CREB3L3: variants seen among roughly 807,000 people sequenced by gnomAD.
CREB3L3 encodes cAMP responsive element binding protein 3 like 3, also known as cyclic AMP-responsive element-binding protein 3-like protein 3.
CREB3L3 carries 40 observed loss-of-function variants against 44.6 expected under a neutral mutation model. The ratio of observed to expected loss-of-function variants is 0.90; its 90% confidence interval spans 0.70 to 1.17. The LOEUF (loss-of-function observed/expected upper bound fraction) is 1.17, where lower values mean the gene tolerates loss of function less well. CREB3L3 is among the 50% of genes most tolerant of loss of function. The pLI, the probability that CREB3L3 is intolerant of heterozygous loss-of-function variation, is 0.00. For synonymous variants in CREB3L3, 273 were observed against 256.3 expected, an observed-to-expected ratio of 1.06 and a Z score of -0.62; for missense variants, 578 against 595.8, an observed-to-expected ratio of 0.97 and a Z score of 0.31.
At position 4,172,053 on chromosome 19, in the gene CREB3L3, G is replaced by A. The variant is rs2145146866; in HGVS notation, c.*84G>A. On this transcript the variant is annotated 3_prime_UTR_variant, in exon 10 of 10. Transcript: ENST00000078445. ...ACTGGGCAGCTACCCACCTGGGGAT[G>A]GGACGTGAGGCCAAGACCCCAGCAG... 1 of 1,359,868 alleles carries A rather than the reference G, an allele frequency of 7.4e-7. No homozygotes were observed. The highest frequency in any genetic ancestry group is 2.5e-5 in the East Asian group (1 of 39,776). 84.2% of individuals were successfully genotyped at this position (1,359,868 alleles called of 1,614,324 possible).
chr19:4,156,045 G>A (rs539676919), intron 2 of CREB3L3, among the ~76,000 whole-genome samples: 1 of 150,106 alleles, frequency 6.7e-6, no homozygotes, highest in South Asian at 2.1e-4. Flanking sequence ...CACCACACCC[G>A]GCCCTTTTTT....
Position 4,159,732 on chromosome 19 carries a change from T to A in CREB3L3, c.526T>A (p.Cys176Ser). 1 of 1,598,654 alleles carries A rather than the reference T, an allele frequency of 6.3e-7. No individual in the cohort carries two copies. Among genetic ancestry groups the A allele is most frequent in the Non-Finnish European group, 8.6e-7 (1 of 1,166,048 alleles). Residue 176 changes from cysteine (C) to serine (S), a missense_variant, in exon 4 of 10, where the codon TGC becomes AGC. Transcript: ENST00000078445. ...TGATCCGGTGGACCTGTCCCCACGA[T>A]GCAATCTCACCGTGAAAGACCTCCT... Reference protein sequence around the residue: ...PADPVDLSPRCNLTVKDLLLS... With the variant: ...PADPVDLSPRSNLTVKDLLLS...
At position 4,171,131 on chromosome 19, in the gene CREB3L3, G is replaced by A; in HGVS notation, c.931G>A (p.Val311Met). Residue 311 changes from valine to methionine, a missense_variant, in exon 8 of 10, where the codon GTG becomes ATG. Transcript: ENST00000078445. This position sits in a 1 kb window ranked among gnomAD's most constrained non-coding sequence, Gnocchi z 4.9. ...EQLKKLQAIV[V>M]QSTSKSAQTG... ...ACTGAAGAAACTCCAGGCCATTGTGGTGCAGTCCACCAGCAAGTCAGCCCA... is the reference window on the plus strand; with the variant it reads ...ACTGAAGAAACTCCAGGCCATTGTGATGCAGTCCACCAGCAAGTCAGCCCA... 6.2e-7 allele frequency: 1 copy of A among 1,614,068 alleles called. No individual in the cohort carries two copies. Among genetic ancestry groups the A allele is most frequent in the African/African-American group, 1.3e-5 (1 of 75,028 alleles).
In CREB3L3 at chr19:4,168,437, T is replaced by C. The variant is rs2145139494; in HGVS notation, c.801T>C (p.Tyr267=). The change falls in exon 6 of 10, where the codon TAT becomes TAC. Residue 267 remains tyrosine, a synonymous_variant. Coordinates refer to ENST00000078445, the MANE Select transcript of CREB3L3 (RefSeq NM_032607.3). ...AQESRKKKKE[Y]IDGLETRMSA... ...AAAGCAGGAAGAAGAAGAAGGAATA[T>C]ATCGATGGCCTGGAGACTCGGTGGG... 19 of 1,606,124 alleles carry C rather than the reference T, an allele frequency of 1.2e-5. No individual in the cohort carries two copies. The highest frequency in any genetic ancestry group is 1.6e-5 in the Non-Finnish European group (19 of 1,174,660).
rs1353988752 is a variant in CREB3L3 at position 4,171,398 on chromosome 19, T to C, written c.991T>C (p.Phe331Leu). 6.2e-7 allele frequency: 1 copy of C among 1,613,956 alleles called. No homozygotes were observed. The highest frequency in any genetic ancestry group is 2.2e-5 in the East Asian group (1 of 44,898). The change falls in exon 9 of 10, where the codon TTT (phenylalanine) becomes CTT (leucine). Residue 331 changes from phenylalanine (F) to leucine (L), a missense_variant. Coordinates refer to ENST00000078445, the MANE Select transcript of CREB3L3 (RefSeq NM_032607.3). The surrounding 1 kb of genome is among the most constrained non-coding windows in gnomAD (Gnocchi z 4.9). ...TCTCCACCAGGTCCTGTTGCTGTCC[T>C]TTGCCCTCATCATCCTCCCCTCCAT... is the stretch of plus-strand genomic sequence containing the variant. ...GTCVAVLLLS[F>L]ALIILPSISP... is the part of the protein sequence containing the mutation.
At chr19:4,168,981 C>G (rs988225694) in intron 6 of CREB3L3, among the ~76,000 whole-genome samples, 3 of 151,754 alleles carry the variant, frequency 2.0e-5, no homozygotes, top group Non-Finnish European at 2.9e-5. Context: ...GTGATCTGGC[C>G]GCCTCAGCCT....
intron 7 of CREB3L3, among the ~76,000 whole-genome samples, chr19:4,170,734 C>G (rs1967025593): frequency 6.6e-6 from 1 of 151,560 alleles, no homozygotes; most frequent in Non-Finnish European, 1.5e-5. Flanking sequence ...ACGGTGAAAC[C>G]CCGTCTCTAC....
intron 7 of CREB3L3, 137 bp from the exon 8 acceptor site, chr19:4,170,954 A>T (rs562719228): frequency 1.4e-4 from 63 of 436,738 alleles, no homozygotes; most frequent in Non-Finnish European, 2.0e-4. Context: ...AATAAATAAA[A>T]TAAATAATAA....
At chr19:4,154,362 G>A (rs548532089) in intron 1 of CREB3L3, among the ~76,000 whole-genome samples, 119 of 151,842 alleles carry the variant, frequency 7.8e-4, no homozygotes, top group South Asian at 7.7e-3. Flanking sequence ...GTGAGCCACC[G>A]TGCCTGCCAT....
At chr19:4,156,670 T>G (rs1486480151) in intron 2 of CREB3L3, among the ~76,000 whole-genome samples, 1 of 151,084 alleles carries the variant, frequency 6.6e-6, no homozygotes, top group Non-Finnish European at 1.5e-5. Context: ...CCCAGCTACT[T>G]TTTGTATTTT....
intron 4 of CREB3L3, among the ~76,000 whole-genome samples, chr19:4,163,364 G>GAAGA (rs1358032660): frequency 4.0e-5 from 6 of 149,590 alleles, no homozygotes; most frequent in African/African-American, 1.5e-4. Flanking sequence ...AGGAAGGAAG[G>GAAGA]AAGGAAGGAA....
intron 7 of CREB3L3, among the ~76,000 whole-genome samples, chr19:4,170,697 C>T (rs350850): frequency 0.83 from 124,926 of 151,054 alleles, 52,212 homozygotes; most frequent in Middle Eastern, 0.9. Flanking sequence ...ATCACAAGGT[C>T]GGGAGATCAA....
chr19:4,155,145 C>A, intron 2 of CREB3L3, 118 bp downstream of exon 2: 3 of 1,271,516 alleles, frequency 2.4e-6, no homozygotes, highest in South Asian at 1.2e-5. Flanking sequence ...CTCTACGATG[C>A]ACTAATGGGT....
At chr19:4,161,239 G>A (rs2041659896) in intron 4 of CREB3L3, among the ~76,000 whole-genome samples, 1 of 151,996 alleles carries the variant, frequency 6.6e-6, no homozygotes, top group Non-Finnish European at 1.5e-5. Flanking sequence ...TGGGATTACA[G>A]GCGTGAGCCA....
chr19:4,170,566 C>G (rs1599346630), intron 7 of CREB3L3, among the ~76,000 whole-genome samples: 1 of 151,462 alleles, frequency 6.6e-6, no homozygotes, highest in Non-Finnish European at 1.5e-5. Flanking sequence ...GAGCCGAGAT[C>G]GCACCACTGC....
intron 5 of CREB3L3, among the ~76,000 whole-genome samples, chr19:4,165,875 C>T (rs1966894702): frequency 6.6e-6 from 1 of 151,820 alleles, no homozygotes; most frequent in Middle Eastern, 3.4e-3. Flanking sequence ...GAAACTCTGT[C>T]AAAACAAAAA....
intron 4 of CREB3L3, 25 bp from the exon 5 acceptor site, chr19:4,164,478 G>A (rs764951203): frequency 8.1e-5 from 131 of 1,613,498 alleles, no homozygotes; most frequent in Non-Finnish European, 9.0e-5. Context: ...TGCACCCGCC[G>A]TCATTCCTCT....
intron 6 of CREB3L3, among the ~76,000 whole-genome samples, chr19:4,169,784 A>T (rs1433556491): frequency 2.0e-5 from 3 of 151,830 alleles, no homozygotes; most frequent in African/African-American, 7.3e-5. Context: ...TTTTTAGTAC[A>T]GGCAGGGTTT....
At chr19:4,162,796 G>T (rs350861) in intron 4 of CREB3L3, among the ~76,000 whole-genome samples, 101,767 of 151,640 alleles carry the variant, frequency 0.67, 34,466 homozygotes, top group East Asian at 0.9. Context: ...CTGGGCAACA[G>T]AGTGAAACCC....
Sources: gnomAD v4.1 joint callset for allele counts (sites outside exome capture counted in the v4.1 genomes callset) on GRCh38, gnomAD v4.1.1 for gene constraint, Gnocchi (gnomAD v3.1) non-coding constraint, MANE v1.5 for transcripts, NCBI Gene and HGNC (gene_info 2026-07-23, HGNC 2026-07-21) for gene names.